SHISAL2A: variants seen among roughly 807,000 people sequenced by gnomAD.
SHISAL2A encodes the protein protein shisa-like-2A.
In SHISAL2A, 18 loss-of-function variants were observed where a neutral mutation model predicts 11.5. The ratio of observed to expected loss-of-function variants is 1.57; its 90% CI spans 1.08 to 2.33. The LOEUF is 2.33. Ranked by LOEUF, SHISAL2A falls within the 30% of genes most tolerant of loss-of-function variation. The pLI, the probability that SHISAL2A is intolerant of heterozygous loss-of-function variation, is 0.00. For missense variants in SHISAL2A, 261 were observed against 250.9 expected, an observed-to-expected ratio of 1.04 and a Z score of -0.27; for synonymous variants, 94 against 99.6, an observed-to-expected ratio of 0.94 and a Z score of 0.34.
chr1:52,661,958 A>G (rs1046206035), downstream of SHISAL2A, among the ~76,000 whole-genome samples: 1 of 151,824 alleles, frequency 6.6e-6, no homozygotes, highest in Admixed American at 6.6e-5. Context: ...GCTTGAACCC[A>G]GGAGGAGGAG....
In SHISAL2A at chr1:52,633,397, A is replaced by T. The variant is rs1691169167; in HGVS notation, c.-97A>T. 1 of 1,118,856 alleles carries T rather than the reference A, an allele frequency of 8.9e-7. No homozygotes were observed. Among genetic ancestry groups the T allele is most frequent in the Non-Finnish European group, 1.2e-6 (1 of 836,746 alleles). The allele number at this position is 1,118,856 out of a possible 1,614,324, so 69.3% of individuals were successfully genotyped here. ...GGGTCTCTTCGTCTCTGCCGTTCTC[A>T]GGCTCAGCTCCGTCTCGCTCGGTCC... On this transcript the variant is annotated 5_prime_UTR_variant, in exon 1 of 3. Transcript: ENST00000517870. This position sits in a 1 kb window ranked among gnomAD's most constrained non-coding sequence, Gnocchi z 6.4.
intron 1 of SHISAL2A, among the ~76,000 whole-genome samples, chr1:52,641,143 A>G (rs778712026): frequency 2.6e-5 from 4 of 152,164 alleles, no homozygotes; most frequent in Non-Finnish European, 4.4e-5. Context: ...TGGCCATTCA[A>G]CTGTATCCTT....
downstream of SHISAL2A, among the ~76,000 whole-genome samples, chr1:52,659,080 T>A (rs1473110755): frequency 6.6e-6 from 1 of 150,842 alleles, no homozygotes; most frequent in Non-Finnish European, 1.5e-5. Context: ...ATTTCAGCAT[T>A]TTTTTTTTGA....
chr1:52,633,591 G>C lies in SHISAL2A; in HGVS notation c.98G>C (p.Cys33Ser). Residue 33 changes from cysteine (C) to serine (S), a missense_variant, in exon 1 of 3, where the codon TGC (cysteine) becomes TCC (serine). Coordinates refer to ENST00000517870, the MANE Select transcript of SHISAL2A (RefSeq NM_001042693.3). This position sits in a 1 kb window ranked among gnomAD's most constrained non-coding sequence, Gnocchi z 6.4. The part of the protein sequence containing the change: ...RPGGEAAAVF[C>S]CGFRDHKYCC... The stretch of plus-strand genomic sequence containing the variant: ...GGGGGCGAGGCGGCCGCTGTCTTCT[G>C]CTGCGGCTTCCGCGACCACAAGTAC... The C allele has an allele frequency of 6.2e-7, 1 of 1,612,334 alleles. No individual in the cohort carries two copies. Among genetic ancestry groups the C allele is most frequent in the Middle Eastern group, 1.7e-4 (1 of 6,050 alleles).
chr1:52,649,594 C>T (rs1558090095), intron 2 of SHISAL2A, among the ~76,000 whole-genome samples: 2 of 152,150 alleles, frequency 1.3e-5, no homozygotes, highest in African/African-American at 4.8e-5. Context: ...CAATGAAGAC[C>T]ATAACTTTCT....
intron 1 of SHISAL2A, among the ~76,000 whole-genome samples, chr1:52,639,300 G>A (rs1330783835): frequency 1.3e-5 from 2 of 152,170 alleles, no homozygotes; most frequent in Non-Finnish European, 2.9e-5. Flanking sequence ...CTGTTAGTTG[G>A]TGTATCTCCA....
intron 4 of SHISAL2A, among the ~76,000 whole-genome samples, chr1:52,664,349 C>A (rs1269600264): frequency 6.7e-6 from 1 of 150,294 alleles, no homozygotes; most frequent in African/African-American, 2.5e-5. Flanking sequence ...GGCCACCACG[C>A]CCAGCTAATT....
Position 52,633,349 on chromosome 1 carries a change from T to C in SHISAL2A, c.-145T>C. The stretch of plus-strand genomic sequence containing the variant: ...CCTCGGGGCCCCGCGCTGCTGTCTC[T>C]GTCTCGGCTTCTCTCGGCCCCTGGG... On this transcript the variant is annotated 5_prime_UTR_variant, in exon 1 of 3. Coordinates refer to ENST00000517870, the MANE Select transcript of SHISAL2A (RefSeq NM_001042693.3). This position sits in a 1 kb window ranked among gnomAD's most constrained non-coding sequence, Gnocchi z 6.4. 4.1e-6 allele frequency: 3 copies of C among 738,870 alleles called. No homozygotes were observed. The highest frequency in any genetic ancestry group is 6.0e-6 in the Non-Finnish European group (3 of 499,466). 45.8% of individuals were successfully genotyped at this position (738,870 alleles called of 1,614,324 possible).
chr1:52,640,301 G>C (rs1249384621), intron 1 of SHISAL2A, among the ~76,000 whole-genome samples: 2 of 152,152 alleles, frequency 1.3e-5, no homozygotes, highest in African/African-American at 2.4e-5. Flanking sequence ...GAAGAAAATG[G>C]GCAGGAGAGC....
chr1:52,661,758 A>ATGGTGGCT (rs923019269), downstream of SHISAL2A, among the ~76,000 whole-genome samples: 11 of 152,292 alleles, frequency 7.2e-5, no homozygotes, highest in Middle Eastern at 3.4e-3. Flanking sequence ...ACGGCCGGGC[A>ATGGTGGCT]TGGTGGCTCA....
intron 4 of SHISAL2A, among the ~76,000 whole-genome samples, chr1:52,666,072 C>A (rs1361048626): frequency 6.6e-6 from 1 of 152,170 alleles, no homozygotes; most frequent in Admixed American, 6.6e-5. Context: ...GCCCTTCTGG[C>A]CTCACTAGGT....
At chr1:52,637,581 G>GT (rs1199377048) in intron 1 of SHISAL2A, among the ~76,000 whole-genome samples, 1 of 152,160 alleles carries the variant, frequency 6.6e-6, no homozygotes, top group Non-Finnish European at 1.5e-5. Context: ...CACTAGTTCT[G>GT]TTTTTTTACG....
chr1:52,646,932 C>G (rs1400791128), intron 2 of SHISAL2A, among the ~76,000 whole-genome samples: 2 of 152,142 alleles, frequency 1.3e-5, no homozygotes, highest in Non-Finnish European at 2.9e-5. Context: ...CAGGTTCAAG[C>G]AATTCTCCTG....
At chr1:52,643,789 G>A (rs554398482) in intron 2 of SHISAL2A, among the ~76,000 whole-genome samples, 3 of 152,060 alleles carry the variant, frequency 2.0e-5, no homozygotes, top group Admixed American at 2.0e-4. Flanking sequence ...GGAGATGGAG[G>A]TTGCAGTGAG....
intron 2 of SHISAL2A, among the ~76,000 whole-genome samples, chr1:52,644,446 C>G (rs551052671): frequency 6.6e-6 from 1 of 152,226 alleles, no homozygotes; most frequent in South Asian, 2.1e-4. Flanking sequence ...GGGTGACAGC[C>G]GGTTGTAGTG....
At chr1:52,644,648 C>T (rs1209985266) in intron 2 of SHISAL2A, among the ~76,000 whole-genome samples, 4 of 151,744 alleles carry the variant, frequency 2.6e-5, no homozygotes, top group South Asian at 2.1e-4. Flanking sequence ...CGCTTGAACC[C>T]GGGAGGCGGA....
intron 2 of SHISAL2A, among the ~76,000 whole-genome samples, chr1:52,653,446 C>T: frequency 6.6e-6 from 1 of 151,690 alleles, no homozygotes; most frequent in East Asian, 1.9e-4. Flanking sequence ...GGTGACAGAG[C>T]AAGACTCTGT....
chr1:52,642,124 T>C (rs1340228588), intron 1 of SHISAL2A, among the ~76,000 whole-genome samples: 1 of 152,030 alleles, frequency 6.6e-6, no homozygotes, highest in Non-Finnish European at 1.5e-5. Flanking sequence ...GAAAAGAAAT[T>C]ACCTAAGGCT....
downstream of SHISAL2A, among the ~76,000 whole-genome samples, chr1:52,657,926 T>C: frequency 6.6e-6 from 1 of 152,258 alleles, no homozygotes; most frequent in Non-Finnish European, 1.5e-5. Flanking sequence ...TCTGCCACTG[T>C]GTGGCCTTGA....
Sources: allele counts gnomAD v4.1 joint callset (sites outside exome capture counted in the v4.1 genomes callset), GRCh38; gene constraint gnomAD v4.1.1; non-coding constraint Gnocchi (gnomAD v3.1); transcripts MANE v1.5; gene names NCBI Gene and HGNC (gene_info 2026-07-23, HGNC 2026-07-21).